The following GLIS3 variants were observed in gnomAD, a reference collection of about 807,000 sequenced individuals.
GLIS3 encodes GLIS family zinc finger 3, also known as zinc finger protein GLIS3.
In GLIS3, 53 loss-of-function variants were observed where a neutral mutation model predicts 78.6. That is an observed-to-expected ratio of 0.67 (90% confidence interval 0.54 to 0.85). The LOEUF is 0.85. Ranked by LOEUF, GLIS3 falls within the 40% of genes least tolerant of loss-of-function variation. The pLI is 0.00. For synonymous variants in GLIS3, 684 were observed against 509.9 expected (o/e 1.34, Z -4.60); for missense variants, 1,703 against 1,231.1 (o/e 1.38, Z -5.74).
chr9:4,166,522 G>A (rs1224178913), intron 2 of GLIS3, among the ~76,000 whole-genome samples: 2 of 152,352 alleles, frequency 1.3e-5, no homozygotes, highest in East Asian at 1.9e-4. Context: ...CAGAGTGAAA[G>A]AGAACTGCAC....
chr9:4,025,531 G>A (rs1362682418), intron 4 of GLIS3, among the ~76,000 whole-genome samples: 3 of 152,038 alleles, frequency 2.0e-5, no homozygotes, highest in Admixed American at 6.5e-5. Flanking sequence ...GGGATTACAG[G>A]CACCCACCAC....
chr9:4,365,272 A>T, the GLIS3 span, among the ~76,000 whole-genome samples: 1 of 152,168 alleles, frequency 6.6e-6, no homozygotes, highest in Non-Finnish European at 1.5e-5. Context: ...AATTAGAAAG[A>T]TCAAATCAGG....
chr9:4,389,116 G>A, the GLIS3 span, among the ~76,000 whole-genome samples: 1 of 152,206 alleles, frequency 6.6e-6, no homozygotes, highest in Non-Finnish European at 1.5e-5. Context: ...ACTCTGAGCT[G>A]CATGTTTGAT....
At chr9:3,961,610 T>C (rs1387531075) in intron 4 of GLIS3, among the ~76,000 whole-genome samples, 2 of 152,232 alleles carry the variant, frequency 1.3e-5, no homozygotes, top group Non-Finnish European at 2.9e-5. Flanking sequence ...GGAAATAGCA[T>C]CCCGTTTTGA....
upstream of GLIS3, among the ~76,000 whole-genome samples, chr9:4,302,302 C>G (rs1444473169): frequency 6.6e-6 from 1 of 152,210 alleles, no homozygotes; most frequent in Non-Finnish European, 1.5e-5. Flanking sequence ...AGTATCTTCC[C>G]TCTCTAGAGA....
chr9:4,354,891 C>A, the GLIS3 span, among the ~76,000 whole-genome samples: 5 of 151,942 alleles, frequency 3.3e-5, no homozygotes, highest in Non-Finnish European at 5.9e-5. Flanking sequence ...CCGAGGTGGG[C>A]GGATCACTAG....
chr9:4,213,260 C>T (rs1167199534), intron 2 of GLIS3, among the ~76,000 whole-genome samples: 2 of 152,174 alleles, frequency 1.3e-5, no homozygotes, highest in African/African-American at 4.8e-5. Flanking sequence ...ATCTTTGTCT[C>T]AGTTTAGAAG....
At chr9:3,979,315 C>T (rs1031842834) in intron 4 of GLIS3, among the ~76,000 whole-genome samples, 1 of 152,192 alleles carries the variant, frequency 6.6e-6, no homozygotes, top group Admixed American at 6.5e-5. Flanking sequence ...TGCAAGTCTC[C>T]CTCACTGTTC....
the GLIS3 span, among the ~76,000 whole-genome samples, chr9:4,372,415 A>T: frequency 6.6e-6 from 1 of 152,082 alleles, no homozygotes; most frequent in African/African-American, 2.4e-5. Context: ...TAATTCCTAG[A>T]GATAGCAAAC....
chr9:4,096,608 T>A (rs1252992510), intron 4 of GLIS3, among the ~76,000 whole-genome samples: 13 of 152,156 alleles, frequency 8.5e-5, no homozygotes, highest in Non-Finnish European at 1.9e-4. Flanking sequence ...GACGATTCCC[T>A]CCCTGAGCTC....
At chr9:4,124,628 T>C (rs1300459002) in intron 3 of GLIS3, among the ~76,000 whole-genome samples, 3 of 152,086 alleles carry the variant, frequency 2.0e-5, no homozygotes, top group East Asian at 1.9e-4. Context: ...TTCTATCTCA[T>C]GAAAAAATTG....
chr9:4,419,843 ATC>A, the GLIS3 span, among the ~76,000 whole-genome samples: 1 of 152,070 alleles, frequency 6.6e-6, no homozygotes, highest in Non-Finnish European at 1.5e-5. Context: ...CTCACTCACT[ATC>A]TCAATGACAT....
chr9:4,338,115 C>A (rs1482968990), intron 2 of GLIS3, among the ~76,000 whole-genome samples: 1 of 151,744 alleles, frequency 6.6e-6, no homozygotes, highest in Admixed American at 6.6e-5. Context: ...CTTCTTTTCA[C>A]AGGAGTCAGG....
At chr9:4,012,133 T>C (rs1822065466) in intron 4 of GLIS3, among the ~76,000 whole-genome samples, 1 of 152,190 alleles carries the variant, frequency 6.6e-6, no homozygotes, top group Non-Finnish European at 1.5e-5. Flanking sequence ...TTCTTAAGTA[T>C]AGGGGCTAAA....
At chr9:4,350,461 A>G (rs960939171), upstream of GLIS3, among the ~76,000 whole-genome samples, 1 of 152,234 alleles carries the variant, frequency 6.6e-6, no homozygotes, top group African/African-American at 2.4e-5. Flanking sequence ...AAATTTCTTT[A>G]AACTGCATTT....
chr9:3,991,683 A>AATTTTTTTTTTTTTTTTTTTTG (rs1265317427), intron 4 of GLIS3, among the ~76,000 whole-genome samples: 1 of 87,912 alleles, frequency 1.1e-5, no homozygotes, highest in Non-Finnish European at 2.0e-5. Flanking sequence ...AAGTAGGCTG[A>AATTTTTTTTTTTTTTTTTTTTG]TTTTTTTTTT....
chr9:4,432,849 C>T, the GLIS3 span, among the ~76,000 whole-genome samples: 2 of 151,970 alleles, frequency 1.3e-5, no homozygotes, highest in African/African-American at 4.8e-5. Flanking sequence ...TCACGTTGCC[C>T]AGTCTGGTCT....
the GLIS3 span, among the ~76,000 whole-genome samples, chr9:4,487,157 G>A: frequency 3.9e-5 from 6 of 152,014 alleles, no homozygotes; most frequent in Admixed American, 6.6e-5. Context: ...CCGCCACCAC[G>A]CCTGGCTAAT....
intron 1 of GLIS3, among the ~76,000 whole-genome samples, chr9:4,297,287 G>C (rs570529134): frequency 6.6e-6 from 1 of 152,216 alleles, no homozygotes; most frequent in African/African-American, 2.4e-5. Flanking sequence ...TTCGAGCCAA[G>C]AAATGCTCTC....
Sources: allele counts gnomAD v4.1 joint callset (sites outside exome capture counted in the v4.1 genomes callset), GRCh38; gene constraint gnomAD v4.1.1; transcripts MANE v1.5; gene names NCBI Gene and HGNC (gene_info 2026-07-23, HGNC 2026-07-21).